The following STON2 variants were observed in gnomAD, a reference collection of about 807,000 sequenced individuals.
The protein encoded by STON2 is stonin 2.
In STON2, 29 loss-of-function variants were observed where a neutral mutation model predicts 65.7. That is an observed-to-expected ratio of 0.44 (90% CI 0.33 to 0.60). The LOEUF is 0.60. Among genes scored for constraint, STON2 ranks in the 20% least tolerant of loss-of-function variants. The pLI is 0.03. For missense variants in STON2, 1,054 were observed against 1,118.1 expected (o/e 0.94, Z 0.82); for synonymous variants, 404 against 414.2 (o/e 0.98, Z 0.30).
At position 81,278,614 on chromosome 14, in the gene STON2, C is replaced by T; in HGVS notation, c.868G>A (p.Val290Ile). Residue 290 changes from valine to isoleucine, a missense_variant, in exon 6 of 8, where the codon GTC becomes ATC. Coordinates refer to ENST00000614646, the MANE Select transcript of STON2 (RefSeq NM_001394390.1). ...PVTSARFPSWVTFDDNEVSCP... is the reference protein window; with the variant it reads ...PVTSARFPSWITFDDNEVSCP... ...CTGACTTCATTGTCATCAAAGGTGA[C>T]CCAGCTGGGAAAACGAGCAGAGGTC... 1 of 1,591,500 alleles carries T rather than the reference C, an allele frequency of 6.3e-7. No individual in the cohort carries two copies. The highest frequency in any genetic ancestry group is 8.6e-7 in the Non-Finnish European group (1 of 1,167,314).
intron 3 of STON2, among the ~76,000 whole-genome samples, chr14:81,386,210 C>T (rs1203210509): frequency 6.6e-6 from 1 of 152,090 alleles, no homozygotes; most frequent in Non-Finnish European, 1.5e-5. Flanking sequence ...CACAGAAGAA[C>T]AATTGAAGGT....
chr14:81,331,389 ACCC>A (rs1383706173), intron 4 of STON2, among the ~76,000 whole-genome samples: 2 of 152,026 alleles, frequency 1.3e-5, no homozygotes, highest in Non-Finnish European at 2.9e-5. Flanking sequence ...GGTTGGACCA[ACCC>A]CATTTCACTG....
rs1266399773 is a variant in STON2 at position 81,277,328 on chromosome 14, G to A, written c.2154C>T (p.Val718=). 1 of 1,614,028 alleles carries A rather than the reference G, an allele frequency of 6.2e-7. No homozygotes were observed. Among genetic ancestry groups the A allele is most frequent in the Non-Finnish European group, 8.5e-7 (1 of 1,180,028 alleles). The change falls in exon 6 of 8, where the codon GTC becomes GTT. Residue 718 remains valine (V), a synonymous_variant. Transcript: ENST00000614646. Reference sequence around the variant, plus strand: ...ACGCATCCAAAGGGTTGAACAGAATGACCCGTGAGTTGTGGAAAACATCCT... The same window carrying A: ...ACGCATCCAAAGGGTTGAACAGAATAACCCGTGAGTTGTGGAAAACATCCT... ...VDEDVFHNSR[V]ILFNPLDACR... is the part of the protein sequence containing the mutation.
chr14:81,278,010 ATCC>A lies in STON2; in HGVS notation c.1469_1471del (p.Arg490del). On this transcript the variant is annotated inframe_deletion, in exon 6 of 8. Coordinates refer to ENST00000614646, the MANE Select transcript of STON2 (RefSeq NM_001394390.1). Reference sequence around the variant, plus strand: ...GGACATGATGTTTTTCTTCTCAGGGATCCTCAACATCATTGGCCACCCGTCACG... The same window carrying A: ...GGACATGATGTTTTTCTTCTCAGGGATCAACATCATTGGCCACCCGTCACG... The A allele has an allele frequency of 6.2e-7, 1 of 1,614,072 alleles. No individual in the cohort carries two copies. Among genetic ancestry groups the A allele is most frequent in the South Asian group, 1.1e-5 (1 of 91,076 alleles).
rs370432068 is a variant in STON2, at chr14:81,333,413, TAC to T, written c.572-9228_572-9227del. Reference sequence around the variant, plus strand: ...GGGAGGCTATTCTAAGAGCTTTAAATACGTTTTTTTCATTCAGTCTTCTCAAC... The same window carrying T: ...GGGAGGCTATTCTAAGAGCTTTAAATGTTTTTTTCATTCAGTCTTCTCAAC... On this transcript the variant is annotated intron_variant, in intron 4 of 7. Transcript: ENST00000614646. 1,373 of 388,842 alleles carry T rather than the reference TAC, an allele frequency of 3.5e-3. 23 individuals are homozygous for T. Among genetic ancestry groups the T allele is most frequent in the African/African-American group, 0.026 (1,249 of 48,688 alleles). The allele number at this position is 388,842 out of a possible 1,614,324, so 24.1% of individuals were successfully genotyped here.
chr14:81,420,706 C>T (rs1462741301), intron 2 of STON2, among the ~76,000 whole-genome samples: 2 of 152,070 alleles, frequency 1.3e-5, no homozygotes, highest in Non-Finnish European at 2.9e-5. Flanking sequence ...AGGCAGGGGT[C>T]ACTGGTGGAG....
intron 6 of STON2, among the ~76,000 whole-genome samples, chr14:81,272,287 C>G (rs560321749): frequency 2.0e-5 from 3 of 152,300 alleles, no homozygotes; most frequent in East Asian, 3.9e-4. Flanking sequence ...ACCACTTTGT[C>G]TGAGTTATAA....
chr14:81,389,021 T>A (rs553477654), intron 3 of STON2, among the ~76,000 whole-genome samples: 1 of 152,232 alleles, frequency 6.6e-6, no homozygotes, highest in Admixed American at 6.5e-5. Flanking sequence ...CAAAACAACA[T>A]CCACAGAGGG....
Position 81,421,523 on chromosome 14 carries a change from T to C in STON2, c.-199+5579A>G, listed in dbSNP as rs190131295. Among the ~76,000 whole-genome samples the C allele has an allele frequency of 2.6e-5, 4 of 152,296 alleles. No homozygotes were observed. In the East Asian group the frequency reaches 5.8e-4, roughly 22 times the overall value. ...AAGACCAGCTAGTAATTAGAGTGAT[T>C]AGGCATCGCAAGATGGGGGATAGAG... On this transcript the variant is annotated intron_variant, in intron 2 of 8. Coordinates refer to the STON2 transcript ENST00000553821.
intron 5 of STON2, among the ~76,000 whole-genome samples, chr14:81,304,986 AG>A (rs994824662): frequency 1.3e-4 from 20 of 152,156 alleles, no homozygotes; most frequent in African/African-American, 4.6e-4. Context: ...CTCTTCCCCC[AG>A]GGTAACAATT....
chr14:81,277,171 A>C lies in STON2; in HGVS notation c.2311T>G (p.Ser771Ala), dbSNP rs1383406850. 4.3e-6 allele frequency: 7 copies of C among 1,614,128 alleles called. No individual in the cohort carries two copies. In the Admixed American group the frequency reaches 5.0e-5, roughly 12 times the overall value. Residue 771 changes from serine (S) to alanine (A), a missense_variant, in exon 6 of 8, where the codon TCC becomes GCC. Coordinates refer to ENST00000614646, the MANE Select transcript of STON2 (RefSeq NM_001394390.1). ...QSWLRMSTGF[S>A]ANRDPLTQVP... ...TGAGTGAGGGGGTCACGATTGGCGG[A>C]GAAGCCAGTTGACATCCTCAGCCAG... is the stretch of plus-strand genomic sequence containing the variant.
At chr14:81,327,836 TAAC>T (rs1207024476) in intron 4 of STON2, among the ~76,000 whole-genome samples, 1 of 152,166 alleles carries the variant, frequency 6.6e-6, no homozygotes, top group Non-Finnish European at 1.5e-5. Flanking sequence ...TTCTGTAACA[TAAC>T]AACAAGTGGA....
chr14:81,323,223 TAAC>T (rs1896883516), intron 5 of STON2, among the ~76,000 whole-genome samples: 1 of 152,182 alleles, frequency 6.6e-6, no homozygotes, highest in South Asian at 2.1e-4. Context: ...ACAAGCCTGT[TAAC>T]AATGCAGTGC....
At chr14:81,340,154 A>AAAAT (rs889563946) in intron 4 of STON2, among the ~76,000 whole-genome samples, 5 of 152,196 alleles carry the variant, frequency 3.3e-5, no homozygotes, top group South Asian at 2.1e-4. Flanking sequence ...ACTCCGTCTC[A>AAAAT]AAATAAATAA....
At chr14:81,321,601 A>T (rs1321542668) in intron 5 of STON2, among the ~76,000 whole-genome samples, 1 of 152,214 alleles carries the variant, frequency 6.6e-6, no homozygotes, top group Non-Finnish European at 1.5e-5. Context: ...ACTAAGCAAC[A>T]GAAGTAGATG....
At chr14:81,408,452 C>T (rs903611117) in intron 2 of STON2, among the ~76,000 whole-genome samples, 4 of 152,140 alleles carry the variant, frequency 2.6e-5, no homozygotes, top group African/African-American at 9.7e-5. Flanking sequence ...TATGATTCTC[C>T]ATAAGTGAAC....
At chr14:81,339,241 T>TC (rs913891569) in intron 4 of STON2, among the ~76,000 whole-genome samples, 14 of 152,046 alleles carry the variant, frequency 9.2e-5, no homozygotes, top group Non-Finnish European at 1.8e-4. Flanking sequence ...CCCTAAAACA[T>TC]CCCCATTGTA....
chr14:81,394,111 A>C (rs953351208), intron 3 of STON2, among the ~76,000 whole-genome samples: 2 of 152,170 alleles, frequency 1.3e-5, no homozygotes, highest in Non-Finnish European at 2.9e-5. Context: ...GAATTGCTTG[A>C]ACCTCAGGGG....
chr14:81,378,963 C>T (rs1029739909), intron 3 of STON2, among the ~76,000 whole-genome samples: 1 of 143,302 alleles, frequency 7.0e-6, no homozygotes, highest in Non-Finnish European at 1.5e-5. Context: ...GCTTAATTAA[C>T]CCTTGGAGAT....
Sources: allele counts gnomAD v4.1 joint callset (sites outside exome capture counted in the v4.1 genomes callset), GRCh38; gene constraint gnomAD v4.1.1; transcripts MANE v1.5; gene names NCBI Gene and HGNC (gene_info 2026-07-23, HGNC 2026-07-21).